PHAF1: variants seen among roughly 807,000 people sequenced by gnomAD.
PHAF1 encodes phagophore assembly factor 1.
In PHAF1, 23 loss-of-function variants were observed where a neutral mutation model predicts 63.1. The ratio of observed to expected loss-of-function variants is 0.36; its 90% CI spans 0.26 to 0.52. The LOEUF (loss-of-function observed/expected upper bound fraction) is 0.52. Ranked by LOEUF, PHAF1 falls within the 20% of genes least tolerant of loss-of-function variation. The probability of loss-of-function intolerance (pLI) is 0.93; values close to 1 mark genes in which losing one functional copy is unlikely to be tolerated. For missense variants in PHAF1, 427 were observed against 517.2 expected, an observed-to-expected ratio of 0.83 and a Z score of 1.69; for synonymous variants, 167 against 185.0, an observed-to-expected ratio of 0.90 and a Z score of 0.79.
chr16:67,126,329 G>A (rs1963186981), intron 3 of PHAF1, among the ~76,000 whole-genome samples: 1 of 152,080 alleles, frequency 6.6e-6, no homozygotes, highest in South Asian at 2.1e-4. Context: ...GCTGTGGGGA[G>A]GGGGCTTTCA....
intron 9 of PHAF1, 45 bp downstream of exon 9, chr16:67,140,162 C>G (rs747699690): frequency 6.3e-7 from 1 of 1,588,158 alleles, no homozygotes; most frequent in South Asian, 1.1e-5. Flanking sequence ...TTAATCAACA[C>G]TAATTTAATA....
In PHAF1 at chr16:67,126,059, A is replaced by C. The variant is rs756505519; in HGVS notation, c.231+17A>C. The C allele has an allele frequency of 6.3e-7, 1 of 1,578,154 alleles. No individual in the cohort carries two copies. Among genetic ancestry groups the C allele is most frequent in the South Asian group, 1.1e-5 (1 of 90,376 alleles). ...AGACTTAAGGTAACTATAAATGACA[A>C]CTAATGTTTCATGTCCAGCTGGGCC... is the stretch of plus-strand genomic sequence containing the variant. On this transcript the variant is annotated intron_variant, in intron 3 of 15. Transcript: ENST00000219139.
chr16:67,124,720 G>A (rs575784714), intron 2 of PHAF1, among the ~76,000 whole-genome samples: 103 of 152,212 alleles, frequency 6.8e-4, no homozygotes, highest in Middle Eastern at 6.8e-3. Context: ...TGGCTAACAC[G>A]GTGAAACCCC....
chr16:67,139,399 A>G (rs1157765753), intron 8 of PHAF1, among the ~76,000 whole-genome samples: 1 of 129,892 alleles, frequency 7.7e-6, no homozygotes, highest in Non-Finnish European at 1.5e-5. Flanking sequence ...CCCAGGCTAG[A>G]GTGCAGTGGT....
At chr16:67,131,203 T>TAAA in intron 3 of PHAF1, 83 bp from the exon 4 acceptor site, 22 of 471,234 alleles carry the variant, frequency 4.7e-5, no homozygotes, top group Non-Finnish European at 7.7e-5. Flanking sequence ...TTTTTTTTAC[T>TAAA]ATTTATTCTA....
At chr16:67,117,240 A>G (rs532536609) in intron 1 of PHAF1, among the ~76,000 whole-genome samples, 21 of 131,926 alleles carry the variant, frequency 1.6e-4, no homozygotes, top group Non-Finnish European at 1.4e-4. Flanking sequence ...TAGTGGAGAC[A>G]GGGTTTCACC....
intron 1 of PHAF1, among the ~76,000 whole-genome samples, chr16:67,110,627 G>C (rs1962474932): frequency 6.6e-6 from 1 of 152,148 alleles, no homozygotes; most frequent in Non-Finnish European, 1.5e-5. Context: ...TGGCTGAGAA[G>C]TGGCTGACCC....
intron 6 of PHAF1, among the ~76,000 whole-genome samples, chr16:67,133,551 A>T (rs2145866644): frequency 6.6e-6 from 1 of 151,548 alleles, no homozygotes; most frequent in African/African-American, 2.4e-5. Context: ...TCACGCTTGT[A>T]ATCCCAGCAC....
chr16:67,126,810 G>A (rs924611242), intron 3 of PHAF1, among the ~76,000 whole-genome samples: 4 of 150,820 alleles, frequency 2.7e-5, no homozygotes, highest in Non-Finnish European at 5.9e-5. Context: ...GGCTGTTTTC[G>A]AACTCCTGAC....
At chr16:67,110,444 G>T (rs958846056) in intron 1 of PHAF1, among the ~76,000 whole-genome samples, 12 of 152,030 alleles carry the variant, frequency 7.9e-5, no homozygotes, top group Non-Finnish European at 1.5e-4. Context: ...GTCTCAGCAG[G>T]GTCTCTTCTG....
At chr16:67,131,065 C>G (rs777579259) in intron 3 of PHAF1, among the ~76,000 whole-genome samples, 1 of 151,670 alleles carries the variant, frequency 6.6e-6, no homozygotes, top group South Asian at 2.1e-4. Flanking sequence ...CCAGCCTGGG[C>G]AACATAGTTT....
At chr16:67,145,125 A>T (rs2029928428) in intron 12 of PHAF1, among the ~76,000 whole-genome samples, 3 of 151,984 alleles carry the variant, frequency 2.0e-5, no homozygotes, top group African/African-American at 7.3e-5. Flanking sequence ...TTATCTACAG[A>T]TGATCATCCA....
At chr16:67,122,518 G>T (rs1246129387) in intron 2 of PHAF1, among the ~76,000 whole-genome samples, 1 of 148,804 alleles carries the variant, frequency 6.7e-6, no homozygotes, top group Non-Finnish European at 1.5e-5. Context: ...GAGCAGTGAG[G>T]TATGATTGTA....
Position 67,130,681 on chromosome 16 carries a change from G to A in PHAF1, c.232-605G>A, listed in dbSNP as rs1264547828. On this transcript the variant is annotated intron_variant, in intron 3 of 15. Transcript: ENST00000219139. ...GCTATTTTCTAAAGCAACCCGACCT[G>A]GGTTTTAAAATGCAGCAAAATATGA... Among the ~76,000 whole-genome samples the A allele has an allele frequency of 2.6e-5, 4 of 152,182 alleles. No homozygotes were observed. In the East Asian group the frequency reaches 7.7e-4, roughly 29 times the overall value.
chr16:67,131,521 A>T (rs936741779), intron 4 of PHAF1, among the ~76,000 whole-genome samples, 192 bp downstream of exon 4: 1 of 152,192 alleles, frequency 6.6e-6, no homozygotes, highest in Non-Finnish European at 1.5e-5. Flanking sequence ...AGAATATGTG[A>T]TGTGTTTAAC....
chr16:67,118,934 G>A (rs1962866121), intron 1 of PHAF1, among the ~76,000 whole-genome samples: 1 of 151,712 alleles, frequency 6.6e-6, no homozygotes, highest in Non-Finnish European at 1.5e-5. Context: ...ATCCCACCAT[G>A]CCCAGCTAAT....
intron 1 of PHAF1, among the ~76,000 whole-genome samples, chr16:67,110,696 C>T (rs1339778937): frequency 5.3e-5 from 8 of 152,216 alleles, no homozygotes; most frequent in African/African-American, 1.9e-4. Flanking sequence ...GCTGTGGCTT[C>T]CTTCCCCTTT....
chr16:67,126,498 C>T (rs1021583346), intron 3 of PHAF1, among the ~76,000 whole-genome samples: 1 of 151,882 alleles, frequency 6.6e-6, no homozygotes, highest in African/African-American at 2.4e-5. Flanking sequence ...TGTAAAAAAA[C>T]AACTTACTAA....
rs145751886 is a variant in PHAF1, at chr16:67,144,311, G to T, written c.897G>T (p.Ala299=). 2.2e-5 allele frequency: 35 copies of T among 1,611,264 alleles called. No individual in the cohort carries two copies. Among genetic ancestry groups the T allele is most frequent in the Non-Finnish European group, 2.7e-5 (32 of 1,177,624 alleles). ...TATCCCAGGACATCCTCTTTGATGCGAATACACACAAAGTGAAGAAGTTTG... is the reference window on the plus strand; with the variant it reads ...TATCCCAGGACATCCTCTTTGATGCTAATACACACAAAGTGAAGAAGTTTG... ...FTLGVDILFD[A]NTHKVKKFVL... Residue 299 remains alanine (A), a synonymous_variant, in exon 11 of 16, where the codon GCG becomes GCT. Coordinates refer to ENST00000219139, the MANE Select transcript of PHAF1 (RefSeq NM_025187.5).
Sources: gnomAD v4.1 joint callset for allele counts (sites outside exome capture counted in the v4.1 genomes callset) on GRCh38, gnomAD v4.1.1 for gene constraint, MANE v1.5 for transcripts, NCBI Gene and HGNC (gene_info 2026-07-23, HGNC 2026-07-21) for gene names.